Variants in PTPRT observed in about 807,000 individuals in gnomAD.
PTPRT encodes receptor-type tyrosine-protein phosphatase T.
Under a neutral mutation model 176.8 loss-of-function variants are expected in PTPRT, and 56 were observed. The ratio of observed to expected loss-of-function variants is 0.32; its 90% CI spans 0.26 to 0.40. PTPRT has a LOEUF of 0.40. Ranked by LOEUF, PTPRT falls within the 10% of genes least tolerant of loss-of-function variation. The pLI is 1.00. For synonymous variants in PTPRT, 783 were observed against 739.0 expected (o/e 1.06, Z -0.96); for missense variants, 1,540 against 1,908.2 (o/e 0.81, Z 3.60).
chr20:43,035,412 C>T (rs902958781), intron 1 of PTPRT, among the ~76,000 whole-genome samples: 2 of 152,274 alleles, frequency 1.3e-5, no homozygotes, highest in African/African-American at 2.4e-5. Context: ...ACGGTCTCTG[C>T]GGCAACTGCT....
intron 9 of PTPRT, among the ~76,000 whole-genome samples, chr20:42,424,288 T>A (rs1339414847): frequency 6.6e-6 from 1 of 152,148 alleles, no homozygotes; most frequent in Admixed American, 6.5e-5. Flanking sequence ...GTGCAAAAAA[T>A]ACTCCCAATT....
chr20:42,092,771 A>G (rs73129150), intron 27 of PTPRT, among the ~76,000 whole-genome samples: 8,379 of 152,302 alleles, frequency 0.055, 346 homozygotes, highest in Middle Eastern at 0.17. Context: ...AGCAAGAGAC[A>G]TCTCTGAAAT....
chr20:42,953,693 T>C (rs73273631), intron 1 of PTPRT, among the ~76,000 whole-genome samples: 9,599 of 152,226 alleles, frequency 0.063, 882 homozygotes, highest in African/African-American at 0.2. Flanking sequence ...CTCCCGTTTA[T>C]GTAAAGGCAG....
chr20:42,047,869 C>G, the PTPRT span, among the ~76,000 whole-genome samples: 1 of 152,194 alleles, frequency 6.6e-6, no homozygotes, highest in Non-Finnish European at 1.5e-5. Context: ...ATACTCTTCC[C>G]AGTGCCCAAT....
intron 1 of PTPRT, among the ~76,000 whole-genome samples, chr20:43,050,271 A>T (rs940959664): frequency 6.6e-6 from 1 of 152,218 alleles, no homozygotes; most frequent in Non-Finnish European, 1.5e-5. Context: ...TGGCATTGGG[A>T]CACACGACTG....
chr20:42,875,353 C>T (rs913419172), intron 2 of PTPRT, among the ~76,000 whole-genome samples: 1 of 152,194 alleles, frequency 6.6e-6, no homozygotes, highest in Admixed American at 6.5e-5. Context: ...GTTCAATTTC[C>T]TTGCCTTTTC....
chr20:42,414,279 T>C (rs1263950493), intron 9 of PTPRT, among the ~76,000 whole-genome samples: 3 of 152,232 alleles, frequency 2.0e-5, no homozygotes, highest in Non-Finnish European at 1.5e-5. Context: ...ACAGCTACTT[T>C]TTAAAATGAC....
chr20:43,179,905 T>C (rs2015208664), intron 1 of PTPRT, among the ~76,000 whole-genome samples: 1 of 152,254 alleles, frequency 6.6e-6, no homozygotes, highest in Admixed American at 6.5e-5. Context: ...ATGCCTGTGA[T>C]GGTTAATCCT....
chr20:43,135,708 A>G (rs924711907), intron 1 of PTPRT, among the ~76,000 whole-genome samples: 1 of 152,264 alleles, frequency 6.6e-6, no homozygotes, highest in Non-Finnish European at 1.5e-5. Flanking sequence ...AAGTACAACA[A>G]TAAGAGACCA....
At chr20:42,905,050 A>C (rs1334189919) in intron 1 of PTPRT, among the ~76,000 whole-genome samples, 1 of 152,250 alleles carries the variant, frequency 6.6e-6, no homozygotes, top group African/African-American at 2.4e-5. Flanking sequence ...TGGCAACAAA[A>C]GCCAAAATAG....
intron 9 of PTPRT, among the ~76,000 whole-genome samples, chr20:42,353,867 G>A (rs904440808): frequency 6.6e-6 from 1 of 152,176 alleles, no homozygotes; most frequent in African/African-American, 2.4e-5. Context: ...GGGCAACACA[G>A]TAGGACTCTG....
intron 1 of PTPRT, among the ~76,000 whole-genome samples, chr20:42,968,030 T>A (rs1982402535): frequency 6.6e-6 from 1 of 151,894 alleles, no homozygotes; most frequent in African/African-American, 2.4e-5. Context: ...AAATCCCCTC[T>A]CCCCTGGCCA....
At chr20:42,387,008 T>A (rs1265658079) in intron 9 of PTPRT, among the ~76,000 whole-genome samples, 1 of 152,238 alleles carries the variant, frequency 6.6e-6, no homozygotes, top group Admixed American at 6.5e-5. Flanking sequence ...ATTTTCCCAC[T>A]AGATCCTCTA....
chr20:42,918,600 C>T (rs911064903), intron 1 of PTPRT, among the ~76,000 whole-genome samples: 1 of 152,158 alleles, frequency 6.6e-6, no homozygotes, highest in Non-Finnish European at 1.5e-5. Context: ...TGCAACCACC[C>T]CCCTTTTCCC....
chr20:42,108,891 G>A (rs1222615405), intron 23 of PTPRT, among the ~76,000 whole-genome samples: 11 of 152,330 alleles, frequency 7.2e-5, no homozygotes, highest in East Asian at 1.9e-4. Flanking sequence ...ACATACCGGC[G>A]TAGAGCCATC....
chr20:42,284,468 A>T (rs1460539017), intron 12 of PTPRT, among the ~76,000 whole-genome samples: 2 of 151,930 alleles, frequency 1.3e-5, no homozygotes, highest in African/African-American at 4.8e-5. Context: ...TTTAGAAATC[A>T]TTTTTTTCTT....
At chr20:42,696,558 C>T (rs1332861441) in intron 6 of PTPRT, among the ~76,000 whole-genome samples, 2 of 151,724 alleles carry the variant, frequency 1.3e-5, no homozygotes, top group African/African-American at 4.8e-5. Flanking sequence ...CGGGTTCACA[C>T]CATTCTCCTG....
In PTPRT at chr20:42,998,949, C is replaced by G. The variant is rs1984375910; in HGVS notation, c.89-113017G>C. 3.9e-5 allele frequency among the ~76,000 whole-genome samples: 6 copies of G among 152,336 alleles called. No individual in the cohort carries two copies. In the South Asian group the frequency reaches 1.2e-3, roughly 32 times the overall value. On this transcript the variant is annotated intron_variant, in intron 1 of 30. Coordinates refer to ENST00000373187, the MANE Select transcript of PTPRT (RefSeq NM_007050.6). Reference sequence around the variant, plus strand: ...AGTGTGTATGCAGGGAGAGATGCTACAGCCACCCACTACTTCTCCAACCAT... The same window carrying G: ...AGTGTGTATGCAGGGAGAGATGCTAGAGCCACCCACTACTTCTCCAACCAT...
intron 1 of PTPRT, among the ~76,000 whole-genome samples, chr20:43,101,622 A>G (rs2012394536): frequency 6.6e-6 from 1 of 151,016 alleles, no homozygotes; most frequent in Non-Finnish European, 1.5e-5. Context: ...TTTCAAGGGA[A>G]GGTCAGAAGA....
Sources: gnomAD v4.1 joint callset for allele counts (sites outside exome capture counted in the v4.1 genomes callset) on GRCh38, gnomAD v4.1.1 for gene constraint, MANE v1.5 for transcripts, NCBI Gene and HGNC (gene_info 2026-07-23, HGNC 2026-07-21) for gene names.